Variants in CFTR observed in about 807,000 individuals in gnomAD.
CFTR encodes the protein CF transmembrane conductance regulator, also known as cystic fibrosis transmembrane conductance regulator.
Under a neutral mutation model 171.6 loss-of-function variants are expected in CFTR, and 181 were observed. The observed-to-expected ratio is 1.05, with a 90% CI of 0.93 to 1.19. CFTR has a LOEUF of 1.19. Among genes scored for constraint, CFTR ranks in the 50% most tolerant of loss-of-function variants. CFTR has a pLI of 0.00. For missense variants in CFTR, 1,968 were observed against 1,734.7 expected (o/e 1.13, Z -2.39); for synonymous variants, 583 against 608.0 (o/e 0.96, Z 0.60).
intron 3 of CFTR, among the ~76,000 whole-genome samples, chr7:117,511,361 G>T (rs1798515457): frequency 6.6e-6 from 1 of 152,196 alleles, no homozygotes; most frequent in African/African-American, 2.4e-5. Context: ...TATGGAGAAA[G>T]ACTAAATTGT....
chr7:117,557,345 A>G (rs1799377608), intron 10 of CFTR, among the ~76,000 whole-genome samples: 1 of 152,164 alleles, frequency 6.6e-6, no homozygotes, highest in Non-Finnish European at 1.5e-5. Context: ...TGACCACATA[A>G]AAGAATATAT....
At chr7:117,547,790 G>C (rs1799170803) in intron 9 of CFTR, among the ~76,000 whole-genome samples, 1 of 152,114 alleles carries the variant, frequency 6.6e-6, no homozygotes, top group Admixed American at 6.5e-5. Flanking sequence ...ATACTCCCTT[G>C]CATGGTAAGT....
intron 1 of CFTR, among the ~76,000 whole-genome samples, chr7:117,499,644 A>G (rs934161572): frequency 6.6e-6 from 1 of 151,384 alleles, no homozygotes; most frequent in African/African-American, 2.4e-5. Context: ...ATGATTAATT[A>G]GTTTCTGTTA....
chr7:117,644,842 C>T (rs745354581), intron 23 of CFTR, among the ~76,000 whole-genome samples: 3 of 151,994 alleles, frequency 2.0e-5, no homozygotes, highest in Admixed American at 6.6e-5. Flanking sequence ...GCTGTGAGGT[C>T]ATGAAGAGGA....
chr7:117,570,595 CAT>C (rs1411427309), intron 11 of CFTR, among the ~76,000 whole-genome samples: 1 of 152,188 alleles, frequency 6.6e-6, no homozygotes, highest in Admixed American at 6.5e-5. Context: ...TTTAAGATCA[CAT>C]GTCTCATAAT....
rs1792005206 is a variant in CFTR at position 117,590,290 on chromosome 7, C to T, written c.1680-63C>T. ...ATGTAGTGAACTGTTTAAGGCAAAT[C>T]ATCTACACTAGATGACCAGGAAATA... On this transcript the variant is annotated intron_variant, in intron 12 of 26. Transcript: ENST00000003084. 1.9e-6 allele frequency: 3 copies of T among 1,572,216 alleles called. No homozygotes were observed. In the Admixed American group the frequency reaches 5.1e-5, roughly 27 times the overall value.
At chr7:117,480,707 T>G (rs1797988944) in intron 1 of CFTR, among the ~76,000 whole-genome samples, 1 of 152,186 alleles carries the variant, frequency 6.6e-6, no homozygotes, top group African/African-American at 2.4e-5. Flanking sequence ...AAAGCAAATT[T>G]GTTGAAATAT....
chr7:117,543,409 G>A (rs1339294640), intron 9 of CFTR, among the ~76,000 whole-genome samples: 7 of 152,010 alleles, frequency 4.6e-5, no homozygotes, highest in Admixed American at 4.6e-4. Context: ...CTACTTTCAG[G>A]TCATTATTTT....
intron 22 of CFTR, among the ~76,000 whole-genome samples, chr7:117,634,530 A>G (rs1245770322): frequency 6.6e-6 from 1 of 152,042 alleles, no homozygotes; most frequent in Non-Finnish European, 1.5e-5. Context: ...TTCTTTTGCT[A>G]GTTATCCAAG....
chr7:117,627,641 A>G lies in CFTR; in HGVS notation c.3588A>G (p.Ser1196=), dbSNP rs759202870. ...QLSKVMIIEN[S]HVKKDDIWPS... ...CGAAAGTTATGATTATTGAGAATTC[A>G]CACGTGAAGAAAGATGACATCTGGC... Residue 1196 remains serine, a synonymous_variant, in exon 22 of 27, where the codon TCA becomes TCG. Transcript: ENST00000003084. 2 of 1,613,534 alleles carry G rather than the reference A, an allele frequency of 1.2e-6. No homozygotes were observed.
At chr7:117,522,245 A>G (rs1798696291) in intron 3 of CFTR, among the ~76,000 whole-genome samples, 1 of 152,194 alleles carries the variant, frequency 6.6e-6, no homozygotes, top group African/African-American at 2.4e-5. Flanking sequence ...GAGGGCTAGG[A>G]CAATTACCCA....
rs566908587 is a variant in CFTR, at chr7:117,595,000, C to T, written c.2561C>T (p.Thr854Ile). The T allele has an allele frequency of 2.3e-5, 37 of 1,612,676 alleles. No homozygotes were observed. The highest frequency in any genetic ancestry group is 8.0e-5 in the African/African-American group (6 of 74,982). Residue 854 changes from threonine to isoleucine, a missense_variant, in exon 15 of 27, where the codon ACT (threonine) becomes ATT (isoleucine). By Grantham distance (89) the Thr-to-Ile change is moderately conservative (BLOSUM62 -1). Transcript: ENST00000003084. ...TTWNTYLRYI[T>I]VHKSLIFVLI... Reference sequence around the variant, plus strand: ...TGGAACACATACCTTCGATATATTACTGTCCACAAGAGCTTAATTTTTGTG... The same window carrying T: ...TGGAACACATACCTTCGATATATTATTGTCCACAAGAGCTTAATTTTTGTG...
chr7:117,504,394 G>C, intron 2 of CFTR, 31 bp downstream of exon 2: 2 of 1,022,726 alleles, frequency 2.0e-6, no homozygotes, highest in Non-Finnish European at 3.1e-6. Context: ...TAGTTGAAGA[G>C]AGAAATTCAT....
At chr7:117,600,513 CT>C (rs1792207182) in intron 15 of CFTR, among the ~76,000 whole-genome samples, 2 of 151,938 alleles carry the variant, frequency 1.3e-5, no homozygotes. Flanking sequence ...GTCTTCCCTT[CT>C]GTTTGTTGAT....
At chr7:117,615,357 A>C (rs1398414569) in intron 21 of CFTR, among the ~76,000 whole-genome samples, 1 of 151,970 alleles carries the variant, frequency 6.6e-6, no homozygotes, top group Non-Finnish European at 1.5e-5. Context: ...TGATGAAAAG[A>C]AGCTTTTAAG....
At chr7:117,530,504 A>G (rs968125677) in intron 3 of CFTR, among the ~76,000 whole-genome samples, 1 of 152,196 alleles carries the variant, frequency 6.6e-6, no homozygotes, top group Admixed American at 6.5e-5. Context: ...GAAAGTCTCT[A>G]TAGTAAACAA....
intron 22 of CFTR, among the ~76,000 whole-genome samples, chr7:117,637,486 AT>A (rs1257935430): frequency 6.6e-6 from 1 of 151,986 alleles, no homozygotes; most frequent in Non-Finnish European, 1.5e-5. Flanking sequence ...GGAGTTGAGT[AT>A]TTCCCTTCCC....
intron 11 of CFTR, among the ~76,000 whole-genome samples, chr7:117,565,168 C>A (rs961790334): frequency 1.7e-4 from 26 of 152,308 alleles, no homozygotes; most frequent in Non-Finnish European, 1.2e-4. Context: ...TCCAAACCAC[C>A]TTTAGAATCT....
chr7:117,642,876 T>G (rs1289589990), intron 23 of CFTR, among the ~76,000 whole-genome samples: 3 of 152,182 alleles, frequency 2.0e-5, no homozygotes, highest in Non-Finnish European at 4.4e-5. Flanking sequence ...AGCTCTTTTT[T>G]GTTCCTGCTT....
Sources: allele counts gnomAD v4.1 joint callset (sites outside exome capture counted in the v4.1 genomes callset), GRCh38; gene constraint gnomAD v4.1.1; transcripts MANE v1.5; gene names NCBI Gene and HGNC (gene_info 2026-07-23, HGNC 2026-07-21).